MERTK: variants seen among roughly 807,000 people sequenced by gnomAD.
MERTK encodes the protein MER proto-oncogene, tyrosine kinase.
MERTK carries 69 observed loss-of-function variants against 99.3 expected under a neutral mutation model. The ratio of observed to expected loss-of-function variants is 0.70; its 90% CI spans 0.57 to 0.85. The LOEUF is 0.85. Among genes scored for constraint, MERTK ranks in the 40% least tolerant of loss-of-function variants. The pLI, the probability that MERTK is intolerant of heterozygous loss-of-function variation, is 0.00. For synonymous variants in MERTK, 426 were observed against 467.6 expected, an observed-to-expected ratio of 0.91 and a Z score of 1.15; for missense variants, 1,125 against 1,249.4, an observed-to-expected ratio of 0.90 and a Z score of 1.50.
At chr2:111,996,960 GAAGTA>G in intron 9 of MERTK, 1 of 300,474 alleles carries the variant, frequency 3.3e-6, no homozygotes, top group Admixed American at 4.6e-5. Context: ...AACTACAGTA[GAAGTA>G]AATATTAGTT....
intron 14 of MERTK, 128 bp from the exon 15 acceptor site, chr2:112,009,820 G>T: frequency 1.3e-6 from 1 of 767,470 alleles, no homozygotes. Context: ...TGTGAGTTAG[G>T]CGCTCTTGAT....
chr2:111,903,042 G>T (rs1684074781), intron 1 of MERTK, among the ~76,000 whole-genome samples: 1 of 152,186 alleles, frequency 6.6e-6, no homozygotes, highest in Non-Finnish European at 1.5e-5. Flanking sequence ...GCCTCCCAAA[G>T]TGCAGAGATT....
intron 4 of MERTK, among the ~76,000 whole-genome samples, chr2:111,954,577 C>T (rs1685114681): frequency 6.6e-6 from 1 of 152,058 alleles, no homozygotes; most frequent in South Asian, 2.1e-4. Flanking sequence ...ACAAATAGTC[C>T]CCGAGTTTTA....
intron 7 of MERTK, among the ~76,000 whole-genome samples, chr2:111,980,575 C>T (rs1018619134): frequency 3.9e-5 from 6 of 151,980 alleles, no homozygotes; most frequent in Admixed American, 6.5e-5. Context: ...CCCGCCACCA[C>T]GCCCGGCTAA....
Position 112,007,217 on chromosome 2 carries a change from C to T in MERTK, c.1868-1166C>T, listed in dbSNP as rs550559350. ...TTGCCCAGGCTGGAGTGCGGTAGCA[C>T]GATCTCAGCTCACTGCAAACTCCGC... On this transcript the variant is annotated intron_variant, in intron 13 of 18. Coordinates refer to ENST00000295408, the MANE Select transcript of MERTK (RefSeq NM_006343.3). 8.1e-4 allele frequency among the ~76,000 whole-genome samples: 124 copies of T among 152,268 alleles called. 1 individual carries two copies. Among genetic ancestry groups the T allele is most frequent in the Non-Finnish European group, 2.6e-4 (18 of 68,034 alleles).
intron 1 of MERTK, among the ~76,000 whole-genome samples, chr2:111,905,855 A>G (rs1402728127): frequency 5.9e-5 from 9 of 152,146 alleles, no homozygotes; most frequent in South Asian, 2.1e-4. Context: ...CTCAATGGTA[A>G]ATGGATTTTC....
At chr2:111,945,554 A>G (rs186574148) in intron 3 of MERTK, among the ~76,000 whole-genome samples, 4 of 152,322 alleles carry the variant, frequency 2.6e-5, no homozygotes, top group Admixed American at 2.6e-4. Context: ...TCTTTTGGGC[A>G]CTGGTATCTG....
intron 1 of MERTK, among the ~76,000 whole-genome samples, chr2:111,910,570 G>A (rs904680777): frequency 6.9e-6 from 1 of 145,022 alleles, no homozygotes; most frequent in African/African-American, 2.5e-5. Context: ...TCACCCGGCT[G>A]ACCCTGTAAC....
chr2:111,951,550 C>T (rs1181919389), intron 4 of MERTK, among the ~76,000 whole-genome samples: 27 of 47,540 alleles, frequency 5.7e-4, no homozygotes, highest in South Asian at 2.3e-3. Context: ...TATATATATA[C>T]CATAATTTTT....
intron 4 of MERTK, among the ~76,000 whole-genome samples, chr2:111,963,051 T>G (rs1188266362): frequency 1.3e-5 from 2 of 152,120 alleles, no homozygotes; most frequent in African/African-American, 4.8e-5. Context: ...GAGAGGGGGA[T>G]GTGGCAGGGT....
In MERTK at chr2:112,020,971, A is replaced by G. The variant is rs141482959; in HGVS notation, c.2190-451A>G. On this transcript the variant is annotated intron_variant, in intron 16 of 18. Transcript: ENST00000295408. ...CACTTTGGAATGCCAAGGCGGGCAG[A>G]TCACTTGAGATCAGGAGTCCGAGAC... is the stretch of plus-strand genomic sequence containing the variant. Among the ~76,000 whole-genome samples the G allele has an allele frequency of 4.6e-5, 7 of 151,680 alleles. No homozygotes were observed. The South Asian group carries it at 8.4e-4, about 18-fold the overall frequency.
chr2:111,910,530 A>G (rs1270002319), intron 1 of MERTK, among the ~76,000 whole-genome samples: 1 of 151,660 alleles, frequency 6.6e-6, no homozygotes, highest in East Asian at 1.9e-4. Context: ...TCAGTCTCCC[A>G]AAGTTCTGGG....
intron 13 of MERTK, among the ~76,000 whole-genome samples, chr2:112,006,546 A>G (rs1158437131): frequency 6.6e-6 from 1 of 152,174 alleles, no homozygotes; most frequent in Non-Finnish European, 1.5e-5. Context: ...GATATAAGGC[A>G]GGTATATTAG....
rs1001877264 is a variant in MERTK, at chr2:111,898,650, T to A, written c.-86T>A. On this transcript the variant is annotated 5_prime_UTR_variant, in exon 1 of 19. Coordinates refer to ENST00000295408, the MANE Select transcript of MERTK (RefSeq NM_006343.3). ...GGGCCGCCCGGACAGGGAGCTTCGC[T>A]GGCGCGCTTGGCCGGCGACAGGACA... is the stretch of plus-strand genomic sequence containing the variant. The A allele has an allele frequency of 2.7e-5, 40 of 1,498,188 alleles. No homozygotes were observed. The highest frequency in any genetic ancestry group is 3.9e-5 in the Admixed American group (2 of 51,352). The allele number at this position is 1,498,188 out of a possible 1,614,324, so 92.8% of individuals were successfully genotyped here.
At chr2:111,947,092 G>A (rs1303751835) in intron 3 of MERTK, among the ~76,000 whole-genome samples, 1 of 152,138 alleles carries the variant, frequency 6.6e-6, no homozygotes, top group Non-Finnish European at 1.5e-5. Context: ...GGCCAACATG[G>A]TGAAACCCCA....
intron 17 of MERTK, among the ~76,000 whole-genome samples, 189 bp downstream of exon 17, chr2:112,021,770 G>A (rs1311293877): frequency 6.6e-6 from 1 of 152,192 alleles, no homozygotes; most frequent in Admixed American, 6.5e-5. Context: ...TTCTGATGAA[G>A]TGTCCTGACA....
intron 4 of MERTK, among the ~76,000 whole-genome samples, chr2:111,947,940 G>A (rs1369259856): frequency 3.9e-5 from 6 of 152,244 alleles, no homozygotes; most frequent in African/African-American, 7.2e-5. Context: ...ATTTGACACC[G>A]AGAGAGTGGA....
chr2:112,022,646 G>A (rs900190540), intron 18 of MERTK: 131 of 725,278 alleles, frequency 1.8e-4, no homozygotes, highest in Non-Finnish European at 3.0e-4. Flanking sequence ...CGACAGGCAC[G>A]GTCAAGACAA....
chr2:111,947,146 G>A (rs1250556373), intron 3 of MERTK, among the ~76,000 whole-genome samples: 16 of 152,070 alleles, frequency 1.1e-4, no homozygotes, highest in East Asian at 1.9e-4. Context: ...GGTGGTGTGC[G>A]CCTGTAATCC....
Sources: gnomAD v4.1 joint callset for allele counts (sites outside exome capture counted in the v4.1 genomes callset) on GRCh38, gnomAD v4.1.1 for gene constraint, MANE v1.5 for transcripts, NCBI Gene and HGNC (gene_info 2026-07-23, HGNC 2026-07-21) for gene names.